Variants in IGSF21 observed in about 807,000 individuals in gnomAD.
IGSF21 encodes immunoglobin superfamily member 21, also known as immunoglobulin superfamily member 21.
A neutral mutation model predicts 46.8 loss-of-function variants in IGSF21; 28 were observed. That is an observed-to-expected ratio of 0.60 (90% CI 0.44 to 0.82). The LOEUF is 0.82. IGSF21 is among the 40% of genes least tolerant of loss of function. The pLI, the probability that IGSF21 is intolerant of heterozygous loss-of-function variation, is 0.00. For missense variants in IGSF21, 624 were observed against 665.5 expected (o/e 0.94, Z 0.69); for synonymous variants, 284 against 273.6 (o/e 1.04, Z -0.38).
intron 6 of IGSF21, among the ~76,000 whole-genome samples, chr1:18,367,773 ATT>A (rs59394022): frequency 6.1e-5 from 9 of 147,336 alleles, no homozygotes; most frequent in Non-Finnish European, 9.0e-5. Context: ...CATCCTGCTA[ATT>A]TTTTTTTTTA....
At chr1:18,174,745 G>A (rs1244865747) in intron 1 of IGSF21, among the ~76,000 whole-genome samples, 1 of 152,174 alleles carries the variant, frequency 6.6e-6, no homozygotes, top group Non-Finnish European at 1.5e-5. Context: ...GTTTCCCCAG[G>A]GCTTGAGCCC....
intron 1 of IGSF21, among the ~76,000 whole-genome samples, chr1:18,202,241 C>T (rs758339147): frequency 4.6e-5 from 7 of 152,186 alleles, no homozygotes; most frequent in African/African-American, 9.7e-5. Flanking sequence ...TATTCAAAGT[C>T]GATGAGCAAT....
At chr1:18,169,375 A>G (rs59157543) in intron 1 of IGSF21, among the ~76,000 whole-genome samples, 2,220 of 152,302 alleles carry the variant, frequency 0.015, 47 homozygotes, top group African/African-American at 0.05. Context: ...GACGAAGCCC[A>G]GGCGTATTTC....
chr1:18,324,368 C>T (rs1230700216), intron 3 of IGSF21, among the ~76,000 whole-genome samples: 7 of 152,200 alleles, frequency 4.6e-5, no homozygotes, highest in Non-Finnish European at 8.8e-5. Flanking sequence ...TCACTGAGCA[C>T]GTACTCCACA....
chr1:18,151,158 T>C (rs2086518698), intron 1 of IGSF21, among the ~76,000 whole-genome samples: 1 of 152,216 alleles, frequency 6.6e-6, no homozygotes, highest in Non-Finnish European at 1.5e-5. Context: ...TAGGTCTCTG[T>C]TCAAATCTTC....
chr1:18,210,878 A>T (rs914499791), intron 1 of IGSF21, among the ~76,000 whole-genome samples: 4 of 151,706 alleles, frequency 2.6e-5, no homozygotes, highest in Non-Finnish European at 2.9e-5. Context: ...ATTTTATTTT[A>T]TTTTTTGGAG....
intron 1 of IGSF21, among the ~76,000 whole-genome samples, chr1:18,191,522 G>A (rs1489127869): frequency 6.6e-6 from 1 of 151,994 alleles, no homozygotes; most frequent in Non-Finnish European, 1.5e-5. Flanking sequence ...AATAGAGAGG[G>A]CATTCCAGGC....
At chr1:18,203,143 C>A (rs970616976) in intron 1 of IGSF21, among the ~76,000 whole-genome samples, 2 of 152,178 alleles carry the variant, frequency 1.3e-5, no homozygotes, top group South Asian at 4.1e-4. Context: ...TCTTATCAAT[C>A]TAGTTTTACT....
chr1:18,269,037 G>A lies in IGSF21; in HGVS notation c.184-22829G>A, dbSNP rs143539080. On this transcript the variant is annotated intron_variant, in intron 2 of 9. Coordinates refer to ENST00000251296, the MANE Select transcript of IGSF21 (RefSeq NM_032880.5). ...TTGTTCTTGATGTCCTCAGCTCCTC[G>A]TCCAAACCTCTTAATCCAGGAGCAA... is the stretch of plus-strand genomic sequence containing the variant. 4.1e-4 allele frequency among the ~76,000 whole-genome samples: 63 copies of A among 152,292 alleles called. 1 individual carries two copies. Among genetic ancestry groups the A allele is most frequent in the East Asian group, 2.7e-3 (14 of 5,182 alleles).
intron 4 of IGSF21, among the ~76,000 whole-genome samples, chr1:18,343,247 T>A (rs556394541): frequency 5.8e-4 from 88 of 152,346 alleles, no homozygotes; most frequent in African/African-American, 1.9e-3. Context: ...GACATCTTCT[T>A]TGGAGAAACA....
intron 1 of IGSF21, among the ~76,000 whole-genome samples, chr1:18,225,085 T>TCTCTCTCACACACACACACA: frequency 7.8e-5 from 4 of 51,610 alleles, no homozygotes; most frequent in African/African-American, 2.8e-4. Flanking sequence ...TCTCTCTCTC[T>TCTCTCTCACACACACACACA]CACACACACA....
chr1:18,113,017 C>T (rs1331907551), intron 1 of IGSF21: 1 of 152,032 alleles, frequency 6.6e-6, no homozygotes, highest in Non-Finnish European at 1.5e-5. Context: ...CTTCTTTTTT[C>T]TTTTTAAATA....
In IGSF21 at chr1:18,108,179, G is replaced by A; in HGVS notation, c.51G>A (p.Ala17=). 1.4e-6 allele frequency: 2 copies of A among 1,441,986 alleles called. No homozygotes were observed. Among genetic ancestry groups the A allele is most frequent in the Non-Finnish European group, 9.1e-7 (1 of 1,099,898 alleles). 89.3% of individuals were successfully genotyped at this position (1,441,986 alleles called of 1,614,324 possible). The change falls in exon 1 of 10, where the codon GCG becomes GCA. Residue 17 remains alanine (A), a synonymous_variant. Coordinates refer to ENST00000251296, the MANE Select transcript of IGSF21 (RefSeq NM_032880.5). Reference sequence around the variant, plus strand: ...GCTGCGTCTGCCTGCTGCTCGCCGCGATCCTGGACCTGGCGCGCGGTGAGT... The same window carrying A: ...GCTGCGTCTGCCTGCTGCTCGCCGCAATCCTGGACCTGGCGCGCGGTGAGT... ...LRRCVCLLLA[A]ILDLARGYLT... is the part of the protein sequence containing the mutation.
At chr1:18,224,620 T>G (rs1396780784) in intron 1 of IGSF21, among the ~76,000 whole-genome samples, 1 of 152,158 alleles carries the variant, frequency 6.6e-6, no homozygotes, top group Non-Finnish European at 1.5e-5. Context: ...CAACGGTGCC[T>G]GGTACGGAAT....
intron 1 of IGSF21, among the ~76,000 whole-genome samples, chr1:18,220,972 G>A (rs537258496): frequency 6.6e-6 from 1 of 152,272 alleles, no homozygotes; most frequent in Admixed American, 6.5e-5. Flanking sequence ...AGCTCCTGGA[G>A]ACCCTAAAGA....
At chr1:18,180,799 A>G (rs984399304) in intron 1 of IGSF21, among the ~76,000 whole-genome samples, 3 of 152,232 alleles carry the variant, frequency 2.0e-5, no homozygotes, top group Non-Finnish European at 4.4e-5. Context: ...TGAGTTCTGC[A>G]GTATTATCCC....
intron 2 of IGSF21, among the ~76,000 whole-genome samples, chr1:18,233,034 A>G (rs2084642585): frequency 1.3e-5 from 2 of 152,232 alleles, no homozygotes; most frequent in South Asian, 4.1e-4. Context: ...TGTTTATATC[A>G]TGGAACTCCA....
chr1:18,228,396 A>C (rs1007743001), intron 2 of IGSF21, among the ~76,000 whole-genome samples: 2 of 152,178 alleles, frequency 1.3e-5, no homozygotes, highest in Non-Finnish European at 2.9e-5. Flanking sequence ...GAAAAACAGG[A>C]AGGCTTCCTG....
intron 1 of IGSF21, among the ~76,000 whole-genome samples, chr1:18,190,044 T>C (rs9662032): frequency 0.61 from 92,966 of 152,074 alleles, 29,109 homozygotes; most frequent in Non-Finnish European, 0.69. Flanking sequence ...CCCTCAGCCC[T>C]CTTCCTGGAC....
Sources: allele counts gnomAD v4.1 joint callset (sites outside exome capture counted in the v4.1 genomes callset), GRCh38; gene constraint gnomAD v4.1.1; transcripts MANE v1.5; gene names NCBI Gene and HGNC (gene_info 2026-07-23, HGNC 2026-07-21).